GPHN: variants seen among roughly 807,000 people sequenced by gnomAD.
GPHN encodes the protein gephyrin.
A neutral mutation model predicts 95.5 loss-of-function variants in GPHN; 17 were observed. The ratio of observed to expected loss-of-function variants is 0.18; its 90% confidence interval spans 0.12 to 0.27. GPHN has a LOEUF of 0.27. Among genes scored for constraint, GPHN ranks in the 10% least tolerant of loss-of-function variants. The pLI, the probability that GPHN is intolerant of heterozygous loss-of-function variation, is 1.00. For synonymous variants in GPHN, 320 were observed against 322.5 expected (o/e 0.99, Z 0.08); for missense variants, 660 against 978.1 (o/e 0.67, Z 4.34).
chr14:66,527,395 C>G (rs1486168255), intron 1 of GPHN, among the ~76,000 whole-genome samples: 2 of 136,138 alleles, frequency 1.5e-5, no homozygotes, highest in Non-Finnish European at 3.1e-5. Flanking sequence ...TTTTGTTGAT[C>G]TTTTCAAAAA....
intron 5 of GPHN, among the ~76,000 whole-genome samples, chr14:66,891,567 C>T (rs1298151038): frequency 6.6e-6 from 1 of 152,046 alleles, no homozygotes; most frequent in Non-Finnish European, 1.5e-5. Context: ...GGGACAGCTT[C>T]ATGACATTAG....
the GPHN span, chr14:67,199,088 G>A: frequency 9.6e-7 from 1 of 1,041,390 alleles, no homozygotes; most frequent in East Asian, 2.4e-5. Flanking sequence ...TCTCCGAGCG[G>A]AACCAGGATG....
chr14:67,682,475 A>C, the GPHN span, among the ~76,000 whole-genome samples: 1 of 152,208 alleles, frequency 6.6e-6, no homozygotes, highest in African/African-American at 2.4e-5. Flanking sequence ...CCAACAAAGA[A>C]ACAAATGAAC....
intron 5 of GPHN, among the ~76,000 whole-genome samples, chr14:66,915,116 A>T (rs1453154354): frequency 6.6e-6 from 1 of 152,186 alleles, no homozygotes; most frequent in Non-Finnish European, 1.5e-5. Context: ...TAGGACAAGA[A>T]GAAAAAGTAA....
chr14:66,685,372 G>A (rs947463104), intron 2 of GPHN, among the ~76,000 whole-genome samples: 1 of 151,838 alleles, frequency 6.6e-6, no homozygotes, highest in Non-Finnish European at 1.5e-5. Flanking sequence ...CACCAACAGT[G>A]TAAAAGTGTT....
the GPHN span, among the ~76,000 whole-genome samples, chr14:67,327,772 GAAT>G: frequency 6.6e-6 from 1 of 152,106 alleles, no homozygotes; most frequent in Admixed American, 6.5e-5. Flanking sequence ...AGTTTTCTCA[GAAT>G]GATGGTTTCC....
In GPHN at chr14:67,022,607, AT is replaced by A. The variant is rs377283401; in HGVS notation, c.964-1021del. Among the ~76,000 whole-genome samples the A allele has an allele frequency of 6.7e-3, 308 of 46,138 alleles. 3 individuals are homozygous for A. The highest frequency in any genetic ancestry group is 0.027 in the African/African-American group (299 of 11,234). 30.3% of individuals were successfully genotyped at this position (46,138 alleles called of 152,430 possible). ...TGTGTGTGTGTGTGTGTGTGTGTGT[AT>A]TTTTCTTGTATGTATGTTTGTGACT... On this transcript the variant is annotated intron_variant, in intron 9 of 22. Coordinates refer to ENST00000478722, the MANE Select transcript of GPHN (RefSeq NM_020806.5).
chr14:67,716,152 ACG>A, the GPHN span, among the ~76,000 whole-genome samples: 1 of 151,684 alleles, frequency 6.6e-6, no homozygotes, highest in East Asian at 1.9e-4. Flanking sequence ...GGCCGAGATC[ACG>A]CCACTGCACT....
chr14:67,207,776 T>C, the GPHN span, among the ~76,000 whole-genome samples: 1 of 152,010 alleles, frequency 6.6e-6, no homozygotes, highest in Non-Finnish European at 1.5e-5. Context: ...TCTAAGTCTT[T>C]TGACAAAAAA....
intron 3 of GPHN, among the ~76,000 whole-genome samples, chr14:66,794,144 T>A (rs1435608126): frequency 6.6e-6 from 1 of 152,132 alleles, no homozygotes; most frequent in Non-Finnish European, 1.5e-5. Context: ...CCAACTCTCA[T>A]GTTCAGTGTT....
intron 4 of GPHN, among the ~76,000 whole-genome samples, chr14:66,834,285 A>G (rs2061701242): frequency 1.3e-5 from 2 of 152,120 alleles, no homozygotes; most frequent in African/African-American, 4.8e-5. Flanking sequence ...TACATCCTCT[A>G]TTTTTTATGC....
intron 1 of GPHN, among the ~76,000 whole-genome samples, chr14:66,673,046 T>A (rs1372088447): frequency 2.6e-5 from 4 of 152,152 alleles, no homozygotes; most frequent in African/African-American, 9.7e-5. Flanking sequence ...TAATTTGAAT[T>A]TCTCTTTTGT....
chr14:66,779,781 G>T (rs1396096696), intron 3 of GPHN, among the ~76,000 whole-genome samples: 1 of 152,108 alleles, frequency 6.6e-6, no homozygotes, highest in Non-Finnish European at 1.5e-5. Flanking sequence ...CCCATGTTAA[G>T]AAGTTTGGTT....
At chr14:67,003,598 A>G (rs1488922617) in intron 9 of GPHN, among the ~76,000 whole-genome samples, 1 of 151,692 alleles carries the variant, frequency 6.6e-6, no homozygotes. Flanking sequence ...GAAACTCTAG[A>G]AATTGGGACA....
chr14:67,508,353 T>C, the GPHN span, among the ~76,000 whole-genome samples: 2 of 152,116 alleles, frequency 1.3e-5, no homozygotes, highest in Non-Finnish European at 2.9e-5. Context: ...CTGGATCATC[T>C]AGCATTATTA....
At chr14:67,540,253 C>G in the GPHN span, among the ~76,000 whole-genome samples, 1 of 152,166 alleles carries the variant, frequency 6.6e-6, no homozygotes, top group Non-Finnish European at 1.5e-5. Context: ...TACCTCTTAC[C>G]TTGAAGTATT....
intron 1 of GPHN, among the ~76,000 whole-genome samples, chr14:66,665,858 C>G (rs533855258): frequency 6.9e-4 from 105 of 152,266 alleles, no homozygotes; most frequent in Non-Finnish European, 2.4e-4. Context: ...CCCCAAATGT[C>G]CATCAGTGAT....
At chr14:66,770,645 A>C (rs1358084527) in intron 2 of GPHN, among the ~76,000 whole-genome samples, 1 of 152,168 alleles carries the variant, frequency 6.6e-6, no homozygotes, top group Non-Finnish European at 1.5e-5. Context: ...CATTTGCCAC[A>C]CTATGTTCCA....
At chr14:66,821,528 A>G (rs1197808934) in intron 3 of GPHN, among the ~76,000 whole-genome samples, 2 of 152,186 alleles carry the variant, frequency 1.3e-5, no homozygotes, top group Non-Finnish European at 2.9e-5. Context: ...TGCCTTATTT[A>G]TCTTTGCATT....
Sources: gnomAD v4.1 joint callset for allele counts (sites outside exome capture counted in the v4.1 genomes callset) on GRCh38, gnomAD v4.1.1 for gene constraint, MANE v1.5 for transcripts, NCBI Gene and HGNC (gene_info 2026-07-23, HGNC 2026-07-21) for gene names.